The following ST6GALNAC3 variants were observed in gnomAD, a reference collection of about 807,000 sequenced individuals.
ST6GALNAC3 encodes the protein alpha-N-acetylgalactosaminide alpha-2,6-sialyltransferase 3.
In ST6GALNAC3, 25 loss-of-function variants were observed where a neutral mutation model predicts 32.7. The observed-to-expected ratio is 0.76, with a 90% confidence interval of 0.56 to 1.07. The LOEUF (loss-of-function observed/expected upper bound fraction) is 1.07, where lower values mean the gene tolerates loss of function less well. Among genes scored for constraint, ST6GALNAC3 ranks in the 50% least tolerant of loss-of-function variants. The pLI, the probability that ST6GALNAC3 is intolerant of heterozygous loss-of-function variation, is 0.00. For missense variants in ST6GALNAC3, 355 were observed against 382.4 expected (o/e 0.93, Z 0.60); for synonymous variants, 129 against 133.1 (o/e 0.97, Z 0.21).
At chr1:76,120,422 C>A (rs1011396906) in intron 1 of ST6GALNAC3, among the ~76,000 whole-genome samples, 11 of 152,158 alleles carry the variant, frequency 7.2e-5, no homozygotes, top group African/African-American at 2.4e-4. Flanking sequence ...AGAAATGACT[C>A]CTATTGCCTT....
At chr1:76,590,867 T>C (rs1334661591) in intron 3 of ST6GALNAC3, among the ~76,000 whole-genome samples, 2 of 152,170 alleles carry the variant, frequency 1.3e-5, no homozygotes, top group Middle Eastern at 3.2e-3. Context: ...TGGTTGGTTA[T>C]TATGAATATT....
intron 3 of ST6GALNAC3, among the ~76,000 whole-genome samples, chr1:76,621,060 G>T (rs1648612217): frequency 6.6e-6 from 1 of 152,196 alleles, no homozygotes; most frequent in South Asian, 2.1e-4. Context: ...ACCATTGGGA[G>T]CTGTACCATT....
chr1:76,177,565 G>T (rs1216893163), intron 1 of ST6GALNAC3, among the ~76,000 whole-genome samples: 1 of 152,098 alleles, frequency 6.6e-6, no homozygotes, highest in Non-Finnish European at 1.5e-5. Context: ...AAGTGTTCAG[G>T]TGCAGCTTTC....
chr1:76,525,791 G>GTGTATATA (rs1438917629), intron 3 of ST6GALNAC3, among the ~76,000 whole-genome samples: 883 of 75,344 alleles, frequency 0.012, 18 homozygotes, highest in East Asian at 0.029. Context: ...GTGTGTGTGT[G>GTGTATATA]TATATATATA....
intron 1 of ST6GALNAC3, among the ~76,000 whole-genome samples, chr1:76,112,505 G>T (rs1400897913): frequency 1.1e-4 from 16 of 151,590 alleles, no homozygotes; most frequent in Non-Finnish European, 8.9e-5. Context: ...GGGGCGGCTG[G>T]CCGGGCGGGG....
intron 3 of ST6GALNAC3, among the ~76,000 whole-genome samples, chr1:76,533,942 C>A (rs1179865596): frequency 1.3e-5 from 2 of 152,114 alleles, no homozygotes; most frequent in East Asian, 3.8e-4. Context: ...ATTGCACACA[C>A]CCTTGTCAAA....
intron 3 of ST6GALNAC3, among the ~76,000 whole-genome samples, chr1:76,523,798 G>T (rs1047311130): frequency 2.0e-5 from 3 of 152,116 alleles, no homozygotes; most frequent in Middle Eastern, 3.2e-3. Context: ...GGGAAAATCA[G>T]TTGTGTCTTG....
intron 3 of ST6GALNAC3, among the ~76,000 whole-genome samples, chr1:76,589,760 A>G (rs1570382115): frequency 6.6e-6 from 1 of 151,606 alleles, no homozygotes; most frequent in East Asian, 2.0e-4. Context: ...TGCAAATAGC[A>G]AGATCCCACT....
At chr1:76,474,436 A>G (rs1450902916) in intron 3 of ST6GALNAC3, among the ~76,000 whole-genome samples, 1 of 152,162 alleles carries the variant, frequency 6.6e-6, no homozygotes, top group Non-Finnish European at 1.5e-5. Context: ...AAAGATTACT[A>G]TGACACTCTG....
chr1:76,511,992 T>G (rs992898423), intron 3 of ST6GALNAC3, among the ~76,000 whole-genome samples: 5 of 152,194 alleles, frequency 3.3e-5, no homozygotes, highest in Non-Finnish European at 7.4e-5. Context: ...CATGTGATAC[T>G]GTGTGTCATG....
In ST6GALNAC3 at chr1:76,577,417, T is replaced by A. The variant is rs554882247; in HGVS notation, c.624-50035T>A. 4.8e-4 allele frequency: 331 copies of A among 692,618 alleles called. No homozygotes were observed. In the African/African-American group the frequency reaches 6.1e-3, roughly 13 times the overall value. The allele number at this position is 692,618 out of a possible 1,614,324, so 42.9% of individuals were successfully genotyped here. On this transcript the variant is annotated intron_variant, in intron 3 of 4. Coordinates refer to ENST00000328299, the MANE Select transcript of ST6GALNAC3 (RefSeq NM_152996.4). ...CTTGTGAAAACGAGCCCTGATAGTA[T>A]CTTGGCTCACTAATTCATGCCATGC...
chr1:76,494,419 G>A (rs1030278321), intron 3 of ST6GALNAC3, among the ~76,000 whole-genome samples: 3 of 124,766 alleles, frequency 2.4e-5, no homozygotes, highest in East Asian at 4.7e-4. Flanking sequence ...CTAATAGGAT[G>A]TGTGCATGTG....
At chr1:76,413,765 C>G (rs1259920526) in intron 3 of ST6GALNAC3, among the ~76,000 whole-genome samples, 1 of 152,008 alleles carries the variant, frequency 6.6e-6, no homozygotes, top group East Asian at 1.9e-4. Context: ...AAATGACAGG[C>G]AGTAGAGATG....
At chr1:76,333,831 C>T (rs1647268143) in intron 2 of ST6GALNAC3, among the ~76,000 whole-genome samples, 1 of 152,140 alleles carries the variant, frequency 6.6e-6, no homozygotes, top group Non-Finnish European at 1.5e-5. Context: ...CAAGTGATTA[C>T]TGGCATTTTA....
At chr1:76,109,802 T>G (rs1308712019) in intron 1 of ST6GALNAC3, among the ~76,000 whole-genome samples, 1 of 152,240 alleles carries the variant, frequency 6.6e-6, no homozygotes, top group Non-Finnish European at 1.5e-5. Flanking sequence ...TCAGAACTGA[T>G]GAAGAAGGCT....
intron 1 of ST6GALNAC3, among the ~76,000 whole-genome samples, chr1:76,139,568 T>G (rs1230425123): frequency 1.3e-5 from 2 of 152,228 alleles, no homozygotes; most frequent in Admixed American, 6.5e-5. Flanking sequence ...GCTTTTGTCC[T>G]GACACCTATG....
At chr1:76,492,371 A>T (rs993752483) in intron 3 of ST6GALNAC3, among the ~76,000 whole-genome samples, 3 of 152,184 alleles carry the variant, frequency 2.0e-5, no homozygotes, top group Non-Finnish European at 4.4e-5. Context: ...AAATAGACTG[A>T]CATAAAAAAG....
chr1:76,636,080 G>GA (rs951741396), downstream of ST6GALNAC3, among the ~76,000 whole-genome samples: 2 of 152,048 alleles, frequency 1.3e-5, no homozygotes, highest in Non-Finnish European at 2.9e-5. Flanking sequence ...GAAACTTTCA[G>GA]AAAAAAATTT....
downstream of ST6GALNAC3, among the ~76,000 whole-genome samples, chr1:76,634,945 C>T (rs1187680321): frequency 8.7e-5 from 13 of 150,278 alleles, 3 homozygotes; most frequent in Middle Eastern, 6.8e-3. Context: ...GTGATCCGCC[C>T]GCCTCGGCCT....
Sources: allele counts gnomAD v4.1 joint callset (sites outside exome capture counted in the v4.1 genomes callset), GRCh38; gene constraint gnomAD v4.1.1; transcripts MANE v1.5; gene names NCBI Gene and HGNC (gene_info 2026-07-23, HGNC 2026-07-21).